Variants in RBFOX1 observed in about 807,000 individuals in gnomAD.
RBFOX1 encodes the protein RNA binding protein fox-1 homolog 1.
Under a neutral mutation model 57.7 loss-of-function variants are expected in RBFOX1, and 8 were observed. The observed-to-expected ratio is 0.14, with a 90% CI of 0.08 to 0.25. RBFOX1 has a LOEUF of 0.25. Among genes scored for constraint, RBFOX1 ranks in the 10% least tolerant of loss-of-function variants. RBFOX1 has a pLI of 1.00. For synonymous variants in RBFOX1, 326 were observed against 222.4 expected, an observed-to-expected ratio of 1.47 and a Z score of -4.15; for missense variants, 611 against 548.5, an observed-to-expected ratio of 1.11 and a Z score of -1.14.
intron 4 of RBFOX1, among the ~76,000 whole-genome samples, chr16:7,412,304 C>A (rs1173626536): frequency 6.6e-6 from 1 of 151,074 alleles, no homozygotes; most frequent in East Asian, 2.0e-4. Context: ...AATCTCAGCT[C>A]CTCATGAGGC....
At chr16:6,544,010 C>A (rs1042035038) in intron 2 of RBFOX1, among the ~76,000 whole-genome samples, 3 of 152,154 alleles carry the variant, frequency 2.0e-5, no homozygotes, top group African/African-American at 7.2e-5. Flanking sequence ...TCTCTGGTTT[C>A]TTATGTTTGC....
chr16:6,149,710 A>G (rs2096784371), intron 1 of RBFOX1, among the ~76,000 whole-genome samples: 1 of 152,194 alleles, frequency 6.6e-6, no homozygotes, highest in Non-Finnish European at 1.5e-5. Context: ...CACCCCCATA[A>G]GAGATGCAGG....
chr16:7,267,972 A>G (rs559712469), intron 4 of RBFOX1, among the ~76,000 whole-genome samples: 29 of 152,278 alleles, frequency 1.9e-4, no homozygotes, highest in South Asian at 1.2e-3. Flanking sequence ...TCGTTAGGCA[A>G]TCTTGTCATT....
At chr16:6,039,347 G>GGAAA (rs1185895404) in intron 1 of RBFOX1, among the ~76,000 whole-genome samples, 1 of 136,304 alleles carries the variant, frequency 7.3e-6, no homozygotes, top group African/African-American at 2.8e-5. Flanking sequence ...CTGCTTTCTG[G>GGAAA]AAAAAAAAAA....
chr16:5,933,067 C>T (rs1472309533), intron 4 of RBFOX1, among the ~76,000 whole-genome samples: 1 of 152,228 alleles, frequency 6.6e-6, no homozygotes, highest in African/African-American at 2.4e-5. Context: ...TAGGTGGGGG[C>T]AGACAAACAG....
At chr16:6,412,716 G>C (rs1015558348) in intron 2 of RBFOX1, among the ~76,000 whole-genome samples, 3 of 152,150 alleles carry the variant, frequency 2.0e-5, no homozygotes, top group Admixed American at 6.5e-5. Flanking sequence ...TCCCAGTTTT[G>C]TGGCTGCTAA....
chr16:5,252,107 A>T (rs1189721441), intron 1 of RBFOX1, among the ~76,000 whole-genome samples: 1 of 152,184 alleles, frequency 6.6e-6, no homozygotes, highest in East Asian at 1.9e-4. Flanking sequence ...CCTGGATGCC[A>T]GGTGACCCTC....
chr16:6,127,951 T>C (rs902090737), intron 1 of RBFOX1, among the ~76,000 whole-genome samples: 1 of 152,202 alleles, frequency 6.6e-6, no homozygotes, highest in African/African-American at 2.4e-5. Context: ...TTGGGGGTGC[T>C]AGAAATGTAT....
chr16:6,722,193 T>C (rs1335978823), intron 3 of RBFOX1, among the ~76,000 whole-genome samples: 1 of 152,206 alleles, frequency 6.6e-6, no homozygotes, highest in African/African-American at 2.4e-5. Flanking sequence ...TCATGTGATA[T>C]TTCTAGTTTT....
chr16:6,856,202 A>G (rs1335483604), intron 3 of RBFOX1, among the ~76,000 whole-genome samples: 4 of 151,768 alleles, frequency 2.6e-5, no homozygotes, highest in African/African-American at 7.3e-5. Context: ...TGAGAACCAG[A>G]TACTGTGCCA....
At chr16:5,898,407 C>G (rs1041622033) in intron 4 of RBFOX1, among the ~76,000 whole-genome samples, 3 of 152,080 alleles carry the variant, frequency 2.0e-5, no homozygotes, top group East Asian at 1.9e-4. Flanking sequence ...TGGTGGGCCT[C>G]TTGCTTAGAC....
chr16:5,716,343 TC>T (rs1441458210), intron 3 of RBFOX1, among the ~76,000 whole-genome samples: 10 of 152,212 alleles, frequency 6.6e-5, no homozygotes, highest in African/African-American at 2.2e-4. Flanking sequence ...ACAGATTGTT[TC>T]ATCCCCCAGG....
At chr16:6,961,329 C>G (rs959487170) in intron 3 of RBFOX1, among the ~76,000 whole-genome samples, 1 of 152,124 alleles carries the variant, frequency 6.6e-6, no homozygotes, top group East Asian at 1.9e-4. Flanking sequence ...AAGTGGAGCC[C>G]CTGGGTCCCT....
At chr16:7,055,541 A>G (rs1568568820) in intron 4 of RBFOX1, among the ~76,000 whole-genome samples, 1 of 152,142 alleles carries the variant, frequency 6.6e-6, no homozygotes, top group Non-Finnish European at 1.5e-5. Flanking sequence ...AAGGAAGGAG[A>G]AGAGGAGTTT....
At chr16:7,441,790 G>A (rs1424223464) in intron 4 of RBFOX1, among the ~76,000 whole-genome samples, 4 of 152,134 alleles carry the variant, frequency 2.6e-5, no homozygotes, top group Non-Finnish European at 4.4e-5. Context: ...TCCACTCCCA[G>A]GTCAACACAG....
At chr16:7,657,547 C>A (rs1335857389) in intron 12 of RBFOX1, among the ~76,000 whole-genome samples, 1 of 152,194 alleles carries the variant, frequency 6.6e-6, no homozygotes, top group Non-Finnish European at 1.5e-5. Flanking sequence ...TCAGGTGATC[C>A]GCCCATCTGG....
intron 1 of RBFOX1, among the ~76,000 whole-genome samples, chr16:6,170,200 G>T (rs991846472): frequency 5.9e-5 from 9 of 152,186 alleles, no homozygotes; most frequent in African/African-American, 1.7e-4. Context: ...ATCATGAAGA[G>T]GTTGAAGTCC....
intron 14 of RBFOX1, among the ~76,000 whole-genome samples, chr16:7,684,922 T>G (rs1389203523): frequency 2.0e-5 from 3 of 152,036 alleles, no homozygotes; most frequent in Non-Finnish European, 4.4e-5. Flanking sequence ...CTCCCAAACT[T>G]AGAAAATGAA....
At chr16:5,742,683 A>G (rs2052819187) in intron 3 of RBFOX1, among the ~76,000 whole-genome samples, 1 of 152,242 alleles carries the variant, frequency 6.6e-6, no homozygotes, top group Non-Finnish European at 1.5e-5. Flanking sequence ...CCAGCTGTGC[A>G]GGACAGAATG....
Sources: allele counts gnomAD v4.1 joint callset (sites outside exome capture counted in the v4.1 genomes callset), GRCh38; gene constraint gnomAD v4.1.1; transcripts MANE v1.5; gene names NCBI Gene and HGNC (gene_info 2026-07-23, HGNC 2026-07-21).